OR5P3: variants seen among roughly 807,000 people sequenced by gnomAD.
OR5P3 encodes olfactory receptor family 5 subfamily P member 3, also known as olfactory receptor 5P3.
For synonymous variants in OR5P3, 172 were observed against 141.8 expected, an observed-to-expected ratio of 1.21 and a Z score of -1.51; for missense variants, 415 against 375.6, an observed-to-expected ratio of 1.10 and a Z score of -0.87.
At chr11:7,827,256 G>A (rs1026959541) in intron 1 of OR5P3, among the ~76,000 whole-genome samples, 2 of 152,096 alleles carry the variant, frequency 1.3e-5, no homozygotes, top group Admixed American at 6.6e-5. Context: ...ATTTAAAAAG[G>A]TTTTAAAATT....
intron 1 of OR5P3, among the ~76,000 whole-genome samples, chr11:7,829,789 T>A (rs1325224919): frequency 6.6e-6 from 1 of 152,204 alleles, no homozygotes; most frequent in Admixed American, 6.5e-5. Context: ...AGTGTTTTTT[T>A]AAAAAAGTAG....
At position 7,829,699 on chromosome 11, in the gene OR5P3, A is replaced by C. The variant is rs57265573; in HGVS notation, c.-22+1125T>G. 2.0e-4 allele frequency among the ~76,000 whole-genome samples: 30 copies of C among 152,342 alleles called. No homozygotes were observed. The East Asian group carries it at 5.8e-3, about 29-fold the overall frequency. ...AGATTGCTTTCACTCTGGAGTCTGC[A>C]AACACTTTGCTCTTTGCTTCTATGT... On this transcript the variant is annotated intron_variant, in intron 1 of 1. Transcript: ENST00000641167.
intron 1 of OR5P3, among the ~76,000 whole-genome samples, chr11:7,828,187 G>A (rs1467479223): frequency 6.6e-6 from 1 of 152,154 alleles, no homozygotes; most frequent in Non-Finnish European, 1.5e-5. Context: ...AGAAAACATT[G>A]TCCTCAGGGA....
chr11:7,826,083 A>C (rs1467526398), intron 1 of OR5P3, 90 bp from the exon 2 acceptor site: 1 of 643,260 alleles, frequency 1.6e-6, no homozygotes, highest in African/African-American at 1.8e-5. Flanking sequence ...AAAAAGTATA[A>C]CAATTTAGGC....
rs149500920 is a variant in OR5P3, at chr11:7,825,582, G to A, written c.391C>T (p.Leu131Phe). ...CCAGGGGACATGCAGGTAGAGTAGAGCAGGGGTGAGCAGATGGCCACATAG... is the reference window on the plus strand; with the variant it reads ...CCAGGGGACATGCAGGTAGAGTAGAACAGGGGTGAGCAGATGGCCACATAG... ...DRYVAICSPL[L>F]YSTCMSPGVC... The change falls in exon 2 of 2, where the codon CTC (leucine) becomes TTC (phenylalanine). Residue 131 changes from leucine (L) to phenylalanine (F), a missense_variant. Transcript: ENST00000641167. The A allele has an allele frequency of 0.013, 20,470 of 1,613,116 alleles. 165 individuals carry two copies. Among genetic ancestry groups the A allele is most frequent in the Non-Finnish European group, 0.015 (17,704 of 1,180,018 alleles).
At position 7,825,241 on chromosome 11, in the gene OR5P3, G is replaced by C. The variant is rs1857719570; in HGVS notation, c.732C>G (p.His244Gln). Residue 244 changes from histidine to glutamine, a missense_variant, in exon 2 of 2, where the codon CAC (histidine) becomes CAG (glutamine). Physicochemically the swap from His to Gln is conservative, Grantham distance 24. Coordinates refer to ENST00000641167, the MANE Select transcript of OR5P3 (RefSeq NM_153445.2). ...CATAGAACAGAGTGACTGCAGTGAG[G>C]TGGGAGGTGCAGGTGGAGAAGGCCT... The part of the protein sequence containing the change: ...RHKAFSTCTS[H>Q]LTAVTLFYGT... 6.2e-7 allele frequency: 1 copy of C among 1,612,948 alleles called. No homozygotes were observed. Among genetic ancestry groups the C allele is most frequent in the Non-Finnish European group, 8.5e-7 (1 of 1,180,016 alleles).
intron 1 of OR5P3, among the ~76,000 whole-genome samples, chr11:7,827,046 ATC>A (rs1857751123): frequency 6.6e-6 from 1 of 152,244 alleles, no homozygotes; most frequent in African/African-American, 2.4e-5. Flanking sequence ...ATAAACGGAG[ATC>A]TAAAAAAGAT....
intron 1 of OR5P3, among the ~76,000 whole-genome samples, 157 bp downstream of exon 1, chr11:7,830,664 GTGT>G (rs1342974105): frequency 2.0e-5 from 3 of 152,106 alleles, no homozygotes; most frequent in African/African-American, 7.2e-5. Flanking sequence ...CATGATTCTT[GTGT>G]TGAATAAGAT....
chr11:7,825,111 G>A lies in OR5P3; in HGVS notation c.862C>T (p.Leu288=), dbSNP rs1349764939. ...YTVVIPMLNP[L]IYSLRNKEIK... Reference sequence around the variant, plus strand: ...TCCTTGTTCCTGAGGCTGTAGATCAGGGGGTTCAACATGGGAATCACCACG... The same window carrying A: ...TCCTTGTTCCTGAGGCTGTAGATCAAGGGGTTCAACATGGGAATCACCACG... The change falls in exon 2 of 2, where the codon CTG becomes TTG. Residue 288 remains leucine, a synonymous_variant. Coordinates refer to ENST00000641167, the MANE Select transcript of OR5P3 (RefSeq NM_153445.2). 4 of 1,613,498 alleles carry A rather than the reference G, an allele frequency of 2.5e-6. No homozygotes were observed. Among genetic ancestry groups the A allele is most frequent in the Non-Finnish European group, 3.4e-6 (4 of 1,180,038 alleles).
chr11:7,830,197 C>T (rs574552806), intron 1 of OR5P3, among the ~76,000 whole-genome samples: 5 of 152,316 alleles, frequency 3.3e-5, no homozygotes, highest in African/African-American at 1.2e-4. Flanking sequence ...ACACACACCA[C>T]ATGCATACAC....
intron 1 of OR5P3, among the ~76,000 whole-genome samples, 184 bp downstream of exon 1, chr11:7,830,640 A>G (rs1342172676): frequency 2.0e-5 from 3 of 152,164 alleles, no homozygotes; most frequent in African/African-American, 7.2e-5. Flanking sequence ...TTATTTGTTT[A>G]AAAAAATACT....
Position 7,824,863 on chromosome 11 carries a change from G to T in OR5P3, c.*174C>A. 1 of 400,332 alleles carries T rather than the reference G, an allele frequency of 2.5e-6. No homozygotes were observed. The highest frequency in any genetic ancestry group is 4.4e-6 in the Non-Finnish European group (1 of 229,368). 24.8% of individuals were successfully genotyped at this position (400,332 alleles called of 1,614,324 possible). On this transcript the variant is annotated 3_prime_UTR_variant, in exon 2 of 2. Transcript: ENST00000641167. ...TTAAATTTTATTAAAGGTAAAGCAA[G>T]ATGGACTTCTAATTTCCTATTCTAT... is the stretch of plus-strand genomic sequence containing the variant.
intron 1 of OR5P3, among the ~76,000 whole-genome samples, chr11:7,829,385 A>G (rs548721258): frequency 3.5e-5 from 4 of 114,714 alleles, no homozygotes; most frequent in African/African-American, 9.9e-5. Context: ...ATTAACTTTT[A>G]TCTTATTTTT....
chr11:7,824,834 T>A lies in OR5P3; in HGVS notation c.*203A>T. The A allele has an allele frequency of 2.9e-6, 1 of 345,392 alleles. No homozygotes were observed. Among genetic ancestry groups the A allele is most frequent in the Non-Finnish European group, 5.1e-6 (1 of 197,540 alleles). The allele number at this position is 345,392 out of a possible 1,614,324, so 21.4% of individuals were successfully genotyped here. A position where few individuals can be genotyped will look rare whatever the true frequency, so the allele number is the denominator to read the frequency against. On this transcript the variant is annotated 3_prime_UTR_variant, in exon 2 of 2. Transcript: ENST00000641167. ...ACTATTTGCATTCTCAATTATAAAT[T>A]TAATTAAATTTTATTAAAGGTAAAG...
At chr11:7,829,241 T>C (rs1186149230) in intron 1 of OR5P3, among the ~76,000 whole-genome samples, 2 of 152,122 alleles carry the variant, frequency 1.3e-5, no homozygotes, top group South Asian at 2.1e-4. Context: ...GCTACAAAAA[T>C]AGGGTTGCTG....
At position 7,825,925 on chromosome 11, in the gene OR5P3, C is replaced by A; in HGVS notation, c.48G>T (p.Gly16=). ...DTTVVEFTLL[G]LSEDTTVCAI... The stretch of plus-strand genomic sequence containing the variant: ...CACAAACTGTAGTATCCTCAGATAA[C>A]CCCAAAAGAGTAAACTCTACCACAG... The change falls in exon 2 of 2, where the codon GGG becomes GGT. Residue 16 remains glycine, a synonymous_variant. Transcript: ENST00000641167. 1 of 1,599,476 alleles carries A rather than the reference C, an allele frequency of 6.3e-7. No homozygotes were observed. Among genetic ancestry groups the A allele is most frequent in the South Asian group, 1.1e-5 (1 of 90,336 alleles).
intron 1 of OR5P3, among the ~76,000 whole-genome samples, chr11:7,827,319 A>C (rs1342812037): frequency 6.6e-6 from 1 of 152,226 alleles, no homozygotes; most frequent in African/African-American, 2.4e-5. Flanking sequence ...TTTGCAGTGC[A>C]GTAATTCACA....
At chr11:7,830,211 C>A (rs1482800) in intron 1 of OR5P3, among the ~76,000 whole-genome samples, 86,303 of 152,108 alleles carry the variant, frequency 0.57, 26,900 homozygotes, top group Middle Eastern at 0.71. Context: ...CATACACACA[C>A]ACACACTGGC....
chr11:7,827,222 G>A (rs535656190), intron 1 of OR5P3, among the ~76,000 whole-genome samples: 5 of 152,210 alleles, frequency 3.3e-5, no homozygotes, highest in Non-Finnish European at 7.4e-5. Context: ...TAGACTATCA[G>A]AAAGTATATT....
Sources: allele counts gnomAD v4.1 joint callset (sites outside exome capture counted in the v4.1 genomes callset), GRCh38; gene constraint gnomAD v4.1.1; transcripts MANE v1.5; gene names NCBI Gene and HGNC (gene_info 2026-07-23, HGNC 2026-07-21).